The following C8A variants were observed in gnomAD, a reference collection of about 807,000 sequenced individuals.
The protein encoded by C8A is complement component C8 alpha chain.
A neutral mutation model predicts 65.3 loss-of-function variants in C8A; 67 were observed. The ratio of observed to expected loss-of-function variants is 1.03; its 90% CI spans 0.84 to 1.26. The LOEUF (loss-of-function observed/expected upper bound fraction) is 1.26, where lower values mean the gene tolerates loss of function less well. C8A is among the 50% of genes most tolerant of loss of function. The pLI is 0.00. For synonymous variants in C8A, 290 were observed against 259.4 expected, an observed-to-expected ratio of 1.12 and a Z score of -1.13; for missense variants, 781 against 723.9, an observed-to-expected ratio of 1.08 and a Z score of -0.90.
intron 4 of C8A, 70 bp downstream of exon 4, chr1:56,876,279 A>G: frequency 1.3e-6 from 2 of 1,593,584 alleles, no homozygotes; most frequent in Non-Finnish European, 1.7e-6. Context: ...ATTAGTTTTG[A>G]GGACAGAAGG....
At position 56,856,955 on chromosome 1, in the gene C8A, A is replaced by G. The variant is rs547680264; in HGVS notation, c.77+1977A>G. On this transcript the variant is annotated intron_variant, in intron 1 of 10. Coordinates refer to ENST00000361249, the MANE Select transcript of C8A (RefSeq NM_000562.3). ...TGGGTCTCTATTACATATTTTATACAAATAACACCTTTCATTATGTGTGTT... is the reference window on the plus strand; with the variant it reads ...TGGGTCTCTATTACATATTTTATACGAATAACACCTTTCATTATGTGTGTT... 4.7e-4 allele frequency among the ~76,000 whole-genome samples: 72 copies of G among 152,220 alleles called. 2 individuals are homozygous for G. The highest frequency in any genetic ancestry group is 1.4e-3 in the South Asian group (7 of 4,830).
intron 7 of C8A, among the ~76,000 whole-genome samples, chr1:56,904,917 A>C (rs17114550): frequency 0.084 from 12,747 of 152,126 alleles, 1,333 homozygotes; most frequent in African/African-American, 0.24. Flanking sequence ...ATAATCACAC[A>C]ACAGGCATCC....
chr1:56,862,805 T>C (rs185738408), intron 1 of C8A, among the ~76,000 whole-genome samples: 252 of 152,262 alleles, frequency 1.7e-3, no homozygotes, highest in African/African-American at 5.8e-3. Flanking sequence ...AAAAATATTT[T>C]CCAAGATTTA....
chr1:56,870,519 G>A (rs1017194728), intron 2 of C8A, among the ~76,000 whole-genome samples: 37 of 151,952 alleles, frequency 2.4e-4, no homozygotes, highest in African/African-American at 8.2e-4. Context: ...ATGACACTTA[G>A]TGCTATCCAG....
At chr1:56,916,844 C>T (rs751935346) in intron 10 of C8A, among the ~76,000 whole-genome samples, 15 of 152,216 alleles carry the variant, frequency 9.9e-5, no homozygotes, top group Non-Finnish European at 1.5e-5. Flanking sequence ...CCAGATAGTC[C>T]ATGGTCAGTG....
chr1:56,866,089 C>A (rs980853325), intron 1 of C8A, among the ~76,000 whole-genome samples: 2 of 152,154 alleles, frequency 1.3e-5, no homozygotes, highest in African/African-American at 4.8e-5. Flanking sequence ...AGGAGAACAT[C>A]CACAGTTATT....
Position 56,881,425 on chromosome 1 carries a change from A to G in C8A, c.465-20A>G, listed in dbSNP as rs754718822. On this transcript the variant is annotated intron_variant, in intron 4 of 10. Transcript: ENST00000361249. ...ACCCAGCATCCACTAGCTATTTAGA[A>G]GCTGCTTTGTTCCATGTAGGTACAA... 4 of 1,612,990 alleles carry G rather than the reference A, an allele frequency of 2.5e-6. No individual in the cohort carries two copies. In the South Asian group the frequency reaches 3.3e-5, roughly 13 times the overall value.
chr1:56,883,414 G>C (rs1644263183), intron 5 of C8A, 67 bp from the exon 6 acceptor site: 4 of 1,349,124 alleles, frequency 3.0e-6, no homozygotes, highest in Non-Finnish European at 4.2e-6. Context: ...AAAGATTTAA[G>C]TATTAAATAT....
At chr1:56,868,609 C>A (rs938690968) in intron 2 of C8A, among the ~76,000 whole-genome samples, 1 of 152,156 alleles carries the variant, frequency 6.6e-6, no homozygotes. Flanking sequence ...CAGAGCCAGA[C>A]CCTGTCTCAT....
rs750395071 is a variant in C8A, at chr1:56,855,030, G to C, written c.77+52G>C. On this transcript the variant is annotated intron_variant, in intron 1 of 10. Coordinates refer to ENST00000361249, the MANE Select transcript of C8A (RefSeq NM_000562.3). ...ACTTGCACGTAGGAATCACCTGCTG[G>C]GGAACTAAGACACTTTTATGTTTGC... 3.7e-6 allele frequency: 5 copies of C among 1,340,536 alleles called. No individual in the cohort carries two copies. In the African/African-American group the frequency reaches 7.2e-5, roughly 19 times the overall value. 83.0% of individuals were successfully genotyped at this position (1,340,536 alleles called of 1,614,324 possible). A position where few individuals can be genotyped will look rare whatever the true frequency, so the allele number is the denominator to read the frequency against.
At chr1:56,887,468 T>C (rs1175595655) in intron 7 of C8A, among the ~76,000 whole-genome samples, 2 of 152,210 alleles carry the variant, frequency 1.3e-5, no homozygotes, top group African/African-American at 4.8e-5. Flanking sequence ...TGATGAGCTT[T>C]TTTTCATATG....
At chr1:56,901,597 A>T (rs916029047) in intron 7 of C8A, among the ~76,000 whole-genome samples, 1 of 152,148 alleles carries the variant, frequency 6.6e-6, no homozygotes, top group Non-Finnish European at 1.5e-5. Flanking sequence ...GCAATCCAGC[A>T]TCCCACTACC....
At position 56,866,602 on chromosome 1, in the gene C8A, T is replaced by G. The variant is rs547624689; in HGVS notation, c.78-1007T>G. Among the ~76,000 whole-genome samples, 3 of 152,362 alleles carry G rather than the reference T, an allele frequency of 2.0e-5. No homozygotes were observed. In the South Asian group the frequency reaches 6.2e-4, roughly 32 times the overall value. On this transcript the variant is annotated intron_variant, in intron 1 of 10. Transcript: ENST00000361249. ...ACTTTCTGTTCCTACACTAGGGTTATAATCATGCCATTCATCACAGCAGTG... is the reference window on the plus strand; with the variant it reads ...ACTTTCTGTTCCTACACTAGGGTTAGAATCATGCCATTCATCACAGCAGTG...
chr1:56,908,216 G>T, intron 9 of C8A, 103 bp downstream of exon 9: 2 of 1,329,252 alleles, frequency 1.5e-6, no homozygotes, highest in Non-Finnish European at 2.1e-6. Context: ...CAAAGAACAA[G>T]ATTAAATGTA....
intron 6 of C8A, among the ~76,000 whole-genome samples, chr1:56,884,429 C>G (rs1644273652): frequency 6.6e-6 from 1 of 152,088 alleles, no homozygotes; most frequent in African/African-American, 2.4e-5. Context: ...ACTAAAAATT[C>G]TCAATTGCAT....
At chr1:56,868,335 G>A (rs2101201959) in intron 2 of C8A, among the ~76,000 whole-genome samples, 1 of 151,498 alleles carries the variant, frequency 6.6e-6, no homozygotes, top group Middle Eastern at 3.4e-3. Flanking sequence ...TCAGCCAGGT[G>A]TGAGGGCTCA....
At chr1:56,881,676 G>T in intron 5 of C8A, 42 bp downstream of exon 5, 4 of 1,573,080 alleles carry the variant, frequency 2.5e-6, no homozygotes, top group Non-Finnish European at 3.5e-6. Flanking sequence ...TGTGGTGTAG[G>T]TGGCAGAGAG....
At chr1:56,869,304 A>G (rs765014590) in intron 2 of C8A, among the ~76,000 whole-genome samples, 1 of 152,216 alleles carries the variant, frequency 6.6e-6, no homozygotes, top group African/African-American at 2.4e-5. Context: ...TTCACTTACA[A>G]TAATGGCCTC....
chr1:56,872,794 C>T (rs1455766992), intron 2 of C8A, among the ~76,000 whole-genome samples: 1 of 151,860 alleles, frequency 6.6e-6, no homozygotes, highest in African/African-American at 2.4e-5. Flanking sequence ...ATAGCAGTTA[C>T]ACTTCAAAGA....
Sources: gnomAD v4.1 joint callset for allele counts (sites outside exome capture counted in the v4.1 genomes callset) on GRCh38, gnomAD v4.1.1 for gene constraint, MANE v1.5 for transcripts, NCBI Gene and HGNC (gene_info 2026-07-23, HGNC 2026-07-21) for gene names.